The following KISS1 variants were observed in gnomAD, a reference collection of about 807,000 sequenced individuals.
KISS1 encodes the protein KiSS-1 metastasis suppressor.
For missense variants in KISS1, 182 were observed against 182.7 expected (o/e 1.00, Z 0.02); for synonymous variants, 97 against 88.7 (o/e 1.09, Z -0.52).
intron 1 of KISS1, among the ~76,000 whole-genome samples, chr1:204,195,293 CATACACCCATACACACACATACACATAT>C (rs1658829432): frequency 6.7e-5 from 1 of 14,832 alleles, no homozygotes; most frequent in Non-Finnish European, 1.6e-4. Context: ...ACACCACACA[CATACACCCATACACACACATACACATAT>C]GCCACACACA....
In KISS1 at chr1:204,192,818, T is replaced by TC; in HGVS notation, c.58dup (p.Glu20GlyfsTer13). On this transcript the variant is annotated frameshift_variant, in exon 2 of 3. Coordinates refer to ENST00000367194, the MANE Select transcript of KISS1 (RefSeq NM_002256.4). LOFTEE classifies it low-confidence loss of function (END_TRUNC). The surrounding 1 kb of genome is among the most constrained non-coding windows in gnomAD (Gnocchi z 4.2). The stretch of plus-strand genomic sequence containing the variant: ...CACAGAGGCCACCTTTTCTAATGGC[T>TC]CCCCAAAGTGGGTGGCACAGAGGAA... 1 of 1,600,168 alleles carries TC rather than the reference T, an allele frequency of 6.2e-7. No homozygotes were observed. Among genetic ancestry groups the TC allele is most frequent in the Non-Finnish European group, 8.5e-7 (1 of 1,171,844 alleles).
At chr1:204,195,095 T>A (rs1221682870) in intron 1 of KISS1, among the ~76,000 whole-genome samples, 1 of 78,484 alleles carries the variant, frequency 1.3e-5, no homozygotes, top group African/African-American at 5.1e-5. Context: ...GGATGGCACT[T>A]ACCATGTGCG....
intron 1 of KISS1, 139 bp from the exon 2 acceptor site, chr1:204,193,053 G>A (rs1658774888): frequency 3.0e-6 from 2 of 668,932 alleles, no homozygotes; most frequent in South Asian, 3.1e-5. Flanking sequence ...GTAGAGGGAT[G>A]AGTCTAAACA....
At position 204,190,550 on chromosome 1, in the gene KISS1, G is replaced by A. The variant is rs1658715450; in HGVS notation, c.351C>T (p.Phe117=). The A allele has an allele frequency of 6.2e-7, 1 of 1,608,672 alleles. No individual in the cohort carries two copies. The highest frequency in any genetic ancestry group is 1.3e-5 in the African/African-American group (1 of 74,772). ...KDLPNYNWNS[F]GLRFGKREAA... ...CCTCCCGCTTGCCGAAGCGCAGGCC[G>A]AAGGAGTTCCAGTTGTAGTTCGGCA... The change falls in exon 3 of 3, where the codon TTC becomes TTT. Residue 117 remains phenylalanine (F), a synonymous_variant. Transcript: ENST00000367194.
In KISS1 at chr1:204,192,362, T is replaced by C. The variant is rs4951316; in HGVS notation, c.103+412A>G. Among the ~76,000 whole-genome samples the C allele has an allele frequency of 0.29, 43,693 of 151,084 alleles. 6,603 individuals are homozygous for C. The highest frequency in any genetic ancestry group is 0.43 in the East Asian group (2,193 of 5,104). On this transcript the variant is annotated intron_variant, in intron 2 of 2. Coordinates refer to ENST00000367194, the MANE Select transcript of KISS1 (RefSeq NM_002256.4). The surrounding 1 kb of genome is among the most constrained non-coding windows in gnomAD (Gnocchi z 4.2). ...CAGTTCATTGTCTCCAAAAGGTTAA[T>C]AGGTATCAAATATCTGCCCTTTGGT... is the stretch of plus-strand genomic sequence containing the variant.
Position 204,190,497 on chromosome 1 carries a change from G to T in KISS1, c.404C>A (p.Ala135Asp). ...GCACCTGCGCCCTCAGCCCCGCCCAGCGCTTCTGCCGTGGTTCCCTGGTGC... is the reference window on the plus strand; with the variant it reads ...GCACCTGCGCCCTCAGCCCCGCCCATCGCTTCTGCCGTGGTTCCCTGGTGC... ...EAAPGNHGRS[A>D]GRG is the part of the protein sequence containing the mutation. Residue 135 changes from alanine (A) to aspartate (D), a missense_variant, in exon 3 of 3, where the codon GCT becomes GAT. Transcript: ENST00000367194. The T allele has an allele frequency of 6.7e-7, 1 of 1,497,988 alleles. No homozygotes were observed. The highest frequency in any genetic ancestry group is 1.1e-5 in the South Asian group (1 of 88,750). 92.8% of individuals were successfully genotyped at this position (1,497,988 alleles called of 1,614,324 possible). A position where few individuals can be genotyped will look rare whatever the true frequency, so the allele number is the denominator to read the frequency against.
Position 204,192,717 on chromosome 1 carries a change from C to T in KISS1, c.103+57G>A, listed in dbSNP as rs1424382860. The T allele has an allele frequency of 1.9e-6, 2 of 1,057,532 alleles. No individual in the cohort carries two copies. Among genetic ancestry groups the T allele is most frequent in the Non-Finnish European group, 2.9e-6 (2 of 693,300 alleles). The allele number at this position is 1,057,532 out of a possible 1,614,324, so 65.5% of individuals were successfully genotyped here. A position where few individuals can be genotyped will look rare whatever the true frequency, so the allele number is the denominator to read the frequency against. On this transcript the variant is annotated intron_variant, in intron 2 of 2. Transcript: ENST00000367194. The surrounding 1 kb of genome is among the most constrained non-coding windows in gnomAD (Gnocchi z 4.2). ...CGACTAGATGGAAAATACGGGAAAG[C>T]TCATTTTGCAACAACCCACTTGCTC...
intron 1 of KISS1, among the ~76,000 whole-genome samples, chr1:204,195,365 A>ACACACCACACACACCACACACATATACG (rs1558254858): frequency 7.4e-6 from 1 of 135,534 alleles, no homozygotes. Context: ...ACATATACAC[A>ACACACCACACACACCACACACATATACG]CATACACCTA....
chr1:204,195,256 CA>C (rs1658825648), intron 1 of KISS1, among the ~76,000 whole-genome samples: 17 of 87,790 alleles, frequency 1.9e-4, no homozygotes, highest in South Asian at 3.9e-4. Context: ...CATACACACA[CA>C]TCATACACAC....
In KISS1 at chr1:204,190,431, C is replaced by CCCCCCGCGG; in HGVS notation, c.*52_*53insCCGCGGGGG. 1 of 1,130,808 alleles carries CCCCCCGCGG rather than the reference C, an allele frequency of 8.8e-7. No homozygotes were observed. The highest frequency in any genetic ancestry group is 1.3e-6 in the Non-Finnish European group (1 of 780,998). The allele number at this position is 1,130,808 out of a possible 1,614,324, so 70.0% of individuals were successfully genotyped here. A position where few individuals can be genotyped will look rare whatever the true frequency, so the allele number is the denominator to read the frequency against. On this transcript the variant is annotated 3_prime_UTR_variant, in exon 3 of 3. Coordinates refer to ENST00000367194, the MANE Select transcript of KISS1 (RefSeq NM_002256.4). Reference sequence around the variant, plus strand: ...ACGTCCCCGCCCCCCGCCCCCGCCCCGCATGCTCTGACTCCTTTGGGGTCT... The same window carrying CCCCCCGCGG: ...ACGTCCCCGCCCCCCGCCCCCGCCCCCCCCCGCGGGCATGCTCTGACTCCTTTGGGGTCT...
intron 1 of KISS1, among the ~76,000 whole-genome samples, chr1:204,194,415 T>C (rs750288589): frequency 2.0e-5 from 3 of 152,134 alleles, no homozygotes; most frequent in African/African-American, 4.8e-5. Flanking sequence ...GATTAATCCA[T>C]TGGAGAGAAT....
In KISS1 at chr1:204,190,416, C is replaced by CACA; in HGVS notation, c.*67_*68insTGT. ...CCCTCCCTTAGCCCTACGTCCCCGC[C>CACA]CCCCGCCCCCGCCCCGCATGCTCTG... On this transcript the variant is annotated 3_prime_UTR_variant, in exon 3 of 3. Coordinates refer to ENST00000367194, the MANE Select transcript of KISS1 (RefSeq NM_002256.4). 2 of 606,600 alleles carry CACA rather than the reference C, an allele frequency of 3.3e-6. No individual in the cohort carries two copies. The highest frequency in any genetic ancestry group is 2.4e-5 in the Admixed American group (1 of 42,284). 37.6% of individuals were successfully genotyped at this position (606,600 alleles called of 1,614,324 possible). A position where few individuals can be genotyped will look rare whatever the true frequency, so the allele number is the denominator to read the frequency against.
At position 204,192,727 on chromosome 1, in the gene KISS1, A is replaced by C. The variant is rs1571665863; in HGVS notation, c.103+47T>G. 5 of 1,197,770 alleles carry C rather than the reference A, an allele frequency of 4.2e-6. No individual in the cohort carries two copies. The East Asian group carries it at 1.2e-4, about 29-fold the overall frequency. 74.2% of individuals were successfully genotyped at this position (1,197,770 alleles called of 1,614,324 possible). On this transcript the variant is annotated intron_variant, in intron 2 of 2. Transcript: ENST00000367194. The surrounding 1 kb of genome is among the most constrained non-coding windows in gnomAD (Gnocchi z 4.2). ...GAAAATACGGGAAAGCTCATTTTGCAACAACCCACTTGCTCCCTCCCACTC... is the reference window on the plus strand; with the variant it reads ...GAAAATACGGGAAAGCTCATTTTGCCACAACCCACTTGCTCCCTCCCACTC...
At chr1:204,195,343 T>C (rs1279117419) in intron 1 of KISS1, among the ~76,000 whole-genome samples, 52 of 5,368 alleles carry the variant, frequency 9.7e-3, no homozygotes, top group East Asian at 0.019. Context: ...CACACACGCA[T>C]ACACACCACA....
chr1:204,190,445 C>T lies in KISS1; in HGVS notation c.*39G>A. ...CGCCCCCGCCCCGCATGCTCTGACT[C>T]CTTTGGGGTCTGAAGTTCACTGCCC... On this transcript the variant is annotated 3_prime_UTR_variant, in exon 3 of 3. Transcript: ENST00000367194. 3 of 1,048,820 alleles carry T rather than the reference C, an allele frequency of 2.9e-6. No individual in the cohort carries two copies. The highest frequency in any genetic ancestry group is 4.2e-6 in the Non-Finnish European group (3 of 715,596). 65.0% of individuals were successfully genotyped at this position (1,048,820 alleles called of 1,614,324 possible). A position where few individuals can be genotyped will look rare whatever the true frequency, so the allele number is the denominator to read the frequency against.
intron 2 of KISS1, 149 bp from the exon 3 acceptor site, chr1:204,190,946 A>G: frequency 2.6e-5 from 17 of 648,666 alleles, no homozygotes; most frequent in Admixed American, 6.0e-5. Flanking sequence ...CGATCACCTT[A>G]GCTGGGATGA....
chr1:204,196,224 C>T, intron 1 of KISS1, among the ~76,000 whole-genome samples, 152 bp downstream of exon 1: 1 of 152,228 alleles, frequency 6.6e-6, no homozygotes. Flanking sequence ...TCTGGCCAGG[C>T]TGGTAAACAG....
At chr1:204,195,452 A>AACATACACACAC in intron 1 of KISS1, among the ~76,000 whole-genome samples, 1 of 146,868 alleles carries the variant, frequency 6.8e-6, no homozygotes, top group East Asian at 2.0e-4. Flanking sequence ...CCATACACAC[A>AACATACACACAC]ACATACACAC....
At position 204,190,697 on chromosome 1, in the gene KISS1, C is replaced by G. The variant is rs759768318; in HGVS notation, c.204G>C (p.Gly68=). The G allele has an allele frequency of 1.4e-5, 23 of 1,600,754 alleles. No individual in the cohort carries two copies. Among genetic ancestry groups the G allele is most frequent in the Non-Finnish European group, 2.0e-5 (23 of 1,174,796 alleles). ...PAATARLSRR[G]TSLSPPPESS... ...TCTCGGGGGGCGGGGACAGCGAGGT[C>G]CCCCGACGGCTCAGCCTGGCAGTAG... Residue 68 remains glycine (G), a synonymous_variant, in exon 3 of 3, where the codon GGG becomes GGC. Transcript: ENST00000367194.
Sources: gnomAD v4.1 joint callset for allele counts (sites outside exome capture counted in the v4.1 genomes callset) on GRCh38, gnomAD v4.1.1 for gene constraint, Gnocchi (gnomAD v3.1) non-coding constraint, MANE v1.5 for transcripts, NCBI Gene and HGNC (gene_info 2026-07-23, HGNC 2026-07-21) for gene names.